The following ZPBP variants were observed in gnomAD, a reference collection of about 807,000 sequenced individuals.
ZPBP encodes the protein zona pellucida binding protein.
A neutral mutation model predicts 44.8 loss-of-function variants in ZPBP; 26 were observed. The ratio of observed to expected loss-of-function variants is 0.58; its 90% CI spans 0.43 to 0.81. ZPBP has a LOEUF of 0.81. Among genes scored for constraint, ZPBP ranks in the 30% least tolerant of loss-of-function variants. The pLI is 0.00. For missense variants in ZPBP, 409 were observed against 434.0 expected (o/e 0.94, Z 0.51); for synonymous variants, 174 against 153.2 (o/e 1.14, Z -1.00).
downstream of ZPBP, among the ~76,000 whole-genome samples, chr7:49,848,659 T>C (rs1346756715): frequency 6.6e-6 from 1 of 152,268 alleles, no homozygotes; most frequent in Non-Finnish European, 1.5e-5. Context: ...TATAAATCAT[T>C]GACTGTCGTT....
intron 7 of ZPBP, among the ~76,000 whole-genome samples, chr7:49,973,782 TAGAATGACCATATGATTC>T (rs1395507191): frequency 2.6e-5 from 4 of 152,114 alleles, no homozygotes; most frequent in African/African-American, 9.7e-5. Flanking sequence ...TGACCTCTCA[TAGAATGACCATATGATTC>T]AGTAATTCCA....
At chr7:49,921,062 T>C (rs1793995754) in intron 1 of ZPBP, 1 of 152,244 alleles carries the variant, frequency 6.6e-6, no homozygotes, top group Non-Finnish European at 1.5e-5. Flanking sequence ...ACCTAACAAC[T>C]GTAACCACTA....
chr7:50,062,177 A>G (rs1310083040), intron 3 of ZPBP, among the ~76,000 whole-genome samples: 1 of 152,222 alleles, frequency 6.6e-6, no homozygotes, highest in Non-Finnish European at 1.5e-5. Context: ...ATCACAGATG[A>G]CACAAACAAA....
At chr7:49,973,435 T>A (rs1796379132) in intron 7 of ZPBP, among the ~76,000 whole-genome samples, 1 of 151,710 alleles carries the variant, frequency 6.6e-6, no homozygotes, top group African/African-American at 2.4e-5. Flanking sequence ...ATTTGAAAAA[T>A]CACACATCTG....
intron 6 of ZPBP, among the ~76,000 whole-genome samples, chr7:49,998,346 C>A (rs1041403241): frequency 6.6e-6 from 1 of 152,170 alleles, no homozygotes; most frequent in Non-Finnish European, 1.5e-5. Context: ...TAAGACTCTC[C>A]GCTTCAGGGC....
intron 2 of ZPBP, among the ~76,000 whole-genome samples, chr7:49,900,904 T>C (rs1390467603): frequency 2.0e-5 from 3 of 151,854 alleles, no homozygotes; most frequent in Non-Finnish European, 4.4e-5. Context: ...GTAAGAATAA[T>C]TATACATCAC....
intron 2 of ZPBP, among the ~76,000 whole-genome samples, chr7:49,858,497 T>C (rs973101939): frequency 4.9e-5 from 7 of 143,116 alleles, no homozygotes; most frequent in African/African-American, 7.8e-5. Flanking sequence ...TAGGTGGGAA[T>C]TGAACAATGA....
At chr7:49,916,676 C>T (rs1793743539) in intron 1 of ZPBP, 1 of 152,146 alleles carries the variant, frequency 6.6e-6, no homozygotes, top group African/African-American at 2.4e-5. Flanking sequence ...GAATTGTATT[C>T]CATCTATTAG....
At chr7:49,874,287 T>G (rs540750807) in intron 2 of ZPBP, among the ~76,000 whole-genome samples, 1 of 152,268 alleles carries the variant, frequency 6.6e-6, no homozygotes, top group Non-Finnish European at 1.5e-5. Context: ...ATTTTTACTC[T>G]ACCTTTTCTA....
intron 6 of ZPBP, among the ~76,000 whole-genome samples, chr7:49,984,749 G>A (rs1381763527): frequency 6.6e-6 from 1 of 152,134 alleles, no homozygotes; most frequent in Admixed American, 6.5e-5. Context: ...CCTGGGGATT[G>A]GGGACCCCTA....
At chr7:50,006,818 A>G (rs1798333390) in intron 6 of ZPBP, among the ~76,000 whole-genome samples, 1 of 152,048 alleles carries the variant, frequency 6.6e-6, no homozygotes, top group Non-Finnish European at 1.5e-5. Context: ...ATTACCTAAG[A>G]AAAAGGGAGA....
intron 2 of ZPBP, among the ~76,000 whole-genome samples, chr7:49,871,585 C>A (rs565938644): frequency 2.0e-5 from 3 of 151,722 alleles, no homozygotes. Context: ...ATTTTTCCTA[C>A]AAGAAGCATT....
chr7:50,093,020 A>G, intron 1 of ZPBP, 48 bp downstream of exon 1: 2 of 1,573,774 alleles, frequency 1.3e-6, no homozygotes, highest in Non-Finnish European at 1.7e-6. Flanking sequence ...AGAGTGGGGG[A>G]AGCTGCGGTT....
At chr7:49,949,419 G>A (rs1204429815) in intron 7 of ZPBP, among the ~76,000 whole-genome samples, 1 of 152,096 alleles carries the variant, frequency 6.6e-6, no homozygotes, top group Non-Finnish European at 1.5e-5. Flanking sequence ...AACAAAATGT[G>A]TGTATAGGTA....
rs562894797 is a variant in ZPBP, at chr7:50,027,480, A to G, written c.706+3612T>C. On this transcript the variant is annotated intron_variant, in intron 5 of 7. Transcript: ENST00000046087. Reference sequence around the variant, plus strand: ...GGGTTGCAGTTAAAGCAGTATTCAGAAGGAAATGTATGGGTGTAAACACCT... The same window carrying G: ...GGGTTGCAGTTAAAGCAGTATTCAGGAGGAAATGTATGGGTGTAAACACCT... Among the ~76,000 whole-genome samples the G allele has an allele frequency of 2.6e-5, 4 of 152,224 alleles. No homozygotes were observed. The South Asian group carries it at 8.3e-4, about 32-fold the overall frequency.
At chr7:50,035,201 G>C (rs534458515) in intron 4 of ZPBP, among the ~76,000 whole-genome samples, 10 of 152,260 alleles carry the variant, frequency 6.6e-5, no homozygotes, top group Admixed American at 3.9e-4. Context: ...TGTAAGCAAG[G>C]CCCCTAAGCC....
chr7:49,962,947 T>C (rs1462548173), intron 7 of ZPBP, among the ~76,000 whole-genome samples: 3 of 151,264 alleles, frequency 2.0e-5, no homozygotes, highest in African/African-American at 4.8e-5. Context: ...AAAGATAACA[T>C]TGAGAAAATG....
At chr7:49,877,481 A>AAAAAAAATACATAT in intron 2 of ZPBP, among the ~76,000 whole-genome samples, 1 of 12,722 alleles carries the variant, frequency 7.9e-5, no homozygotes, top group Non-Finnish European at 1.4e-4. Flanking sequence ...AAAAAAAAAA[A>AAAAAAAATACATAT]ATATATATAT....
At chr7:49,937,781 A>G (rs1268438960) in intron 7 of ZPBP, among the ~76,000 whole-genome samples, 159 bp from the exon 8 acceptor site, 3 of 152,052 alleles carry the variant, frequency 2.0e-5, no homozygotes, top group Non-Finnish European at 2.9e-5. Context: ...CAAAACTGCA[A>G]CTCTATACCC....
Sources: allele counts gnomAD v4.1 joint callset (sites outside exome capture counted in the v4.1 genomes callset), GRCh38; gene constraint gnomAD v4.1.1; transcripts MANE v1.5; gene names NCBI Gene and HGNC (gene_info 2026-07-23, HGNC 2026-07-21).